The following ERO1B variants were observed in gnomAD, a reference collection of about 807,000 sequenced individuals.
The protein encoded by ERO1B is ERO1-like protein beta.
Under a neutral mutation model 75.3 loss-of-function variants are expected in ERO1B, and 49 were observed. That is an observed-to-expected ratio of 0.65 (90% CI 0.52 to 0.83). The LOEUF is 0.83. Among genes scored for constraint, ERO1B ranks in the 40% least tolerant of loss-of-function variants. The pLI is 0.00. For synonymous variants in ERO1B, 191 were observed against 192.9 expected, an observed-to-expected ratio of 0.99 and a Z score of 0.08; for missense variants, 512 against 560.1, an observed-to-expected ratio of 0.91 and a Z score of 0.87.
chr1:236,230,300 G>A, intron 9 of ERO1B, 50 bp from the exon 10 acceptor site: 1 of 1,451,244 alleles, frequency 6.9e-7, no homozygotes, highest in Middle Eastern at 1.8e-4. Flanking sequence ...CATTTATAAA[G>A]TAGAATAAAT....
chr1:236,243,247 C>T (rs1419141221), intron 6 of ERO1B, among the ~76,000 whole-genome samples, 175 bp downstream of exon 6: 2 of 152,114 alleles, frequency 1.3e-5, no homozygotes, highest in Non-Finnish European at 2.9e-5. Flanking sequence ...GTATTTAAGG[C>T]ACTTAACATA....
At chr1:236,256,868 G>A (rs1486419724) in intron 2 of ERO1B, among the ~76,000 whole-genome samples, 1 of 151,928 alleles carries the variant, frequency 6.6e-6, no homozygotes, top group East Asian at 1.9e-4. Flanking sequence ...GAACAAACAG[G>A]TGACTTTTAA....
intron 10 of ERO1B, among the ~76,000 whole-genome samples, chr1:236,228,255 T>C (rs543777096): frequency 1.3e-5 from 2 of 152,088 alleles, no homozygotes; most frequent in African/African-American, 2.4e-5. Context: ...TGCAATGAGG[T>C]AGGGGATAAG....
intron 6 of ERO1B, among the ~76,000 whole-genome samples, chr1:236,241,957 A>G (rs1664715677): frequency 6.6e-6 from 1 of 151,406 alleles, no homozygotes; most frequent in African/African-American, 2.4e-5. Context: ...AGTCCCAGCT[A>G]CTCGGGAGGC....
chr1:236,245,580 A>ATTT (rs71176472), intron 5 of ERO1B, among the ~76,000 whole-genome samples: 1 of 1,484 alleles, frequency 6.7e-4, no homozygotes, highest in African/African-American at 7.7e-4. Flanking sequence ...ATATATATAT[A>ATTT]TTTTTTTTTT....
intron 1 of ERO1B, 61 bp from the exon 2 acceptor site, chr1:236,270,055 A>T: frequency 8.7e-7 from 1 of 1,153,154 alleles, no homozygotes; most frequent in Non-Finnish European, 1.2e-6. Flanking sequence ...ACAAATCTAC[A>T]CTATTATATA....
At chr1:236,257,149 G>A (rs1665176957) in intron 2 of ERO1B, among the ~76,000 whole-genome samples, 1 of 152,164 alleles carries the variant, frequency 6.6e-6, no homozygotes, top group African/African-American at 2.4e-5. Flanking sequence ...TTTCTTGGAG[G>A]CCACTAAGAA....
At chr1:236,245,580 A>T (rs1282941723) in intron 5 of ERO1B, among the ~76,000 whole-genome samples, 651 of 1,488 alleles carry the variant, frequency 0.44, 146 homozygotes, top group African/African-American at 0.47. Context: ...ATATATATAT[A>T]TTTTTTTTTT....
At chr1:236,221,143 C>A (rs943476598) in intron 14 of ERO1B, among the ~76,000 whole-genome samples, 178 bp from the exon 15 acceptor site, 1 of 152,164 alleles carries the variant, frequency 6.6e-6, no homozygotes, top group Non-Finnish European at 1.5e-5. Flanking sequence ...ATAAACACAT[C>A]TGAGCAGTTA....
chr1:236,267,646 A>AT (rs910119940), intron 2 of ERO1B: 14 of 152,354 alleles, frequency 9.2e-5, no homozygotes, highest in African/African-American at 3.4e-4. Context: ...ATGTTCAACC[A>AT]TTTTTGAAAT....
intron 1 of ERO1B, among the ~76,000 whole-genome samples, chr1:236,270,274 C>T (rs1052301025): frequency 6.5e-4 from 99 of 152,272 alleles, no homozygotes; most frequent in Admixed American, 4.8e-3. Flanking sequence ...CAAGTGGCCA[C>T]TGGAATACCA....
At position 236,236,282 on chromosome 1, in the gene ERO1B, A is replaced by G. The variant is rs751876710; in HGVS notation, c.622T>C (p.Phe208Leu). The change falls in exon 7 of 16, where the codon TTC (phenylalanine) becomes CTC (leucine). Residue 208 changes from phenylalanine (F) to leucine (L), a missense_variant. Transcript: ENST00000354619. Reference sequence around the variant, plus strand: ...TCCCCCACCCCCTCCAGTTACTTGAAACAGTTCTCTTCATAGATGCTGTTC... The same window carrying G: ...TCCCCCACCCCCTCCAGTTACTTGAGACAGTTCTCTTCATAGATGCTGTTC... ...VWNSIYEENCFKPRSVYRPLN... is the reference protein window; with the variant it reads ...VWNSIYEENCLKPRSVYRPLN... 1.2e-6 allele frequency: 2 copies of G among 1,613,708 alleles called. No homozygotes were observed.
chr1:236,279,164 G>A (rs17566445), intron 1 of ERO1B, among the ~76,000 whole-genome samples: 15,069 of 152,198 alleles, frequency 0.099, 887 homozygotes, highest in Middle Eastern at 0.16. Flanking sequence ...GTCCCACTTC[G>A]GAGAGATTGT....
At chr1:236,223,526 A>G (rs1405904137) in intron 13 of ERO1B, among the ~76,000 whole-genome samples, 1 of 152,056 alleles carries the variant, frequency 6.6e-6, no homozygotes, top group Non-Finnish European at 1.5e-5. Flanking sequence ...GAACACAAAA[A>G]CTCCTGTGCT....
chr1:236,218,741 T>TAGA (rs1450422187), intron 15 of ERO1B, among the ~76,000 whole-genome samples, 165 bp from the exon 16 acceptor site: 1 of 152,188 alleles, frequency 6.6e-6, no homozygotes, highest in Non-Finnish European at 1.5e-5. Context: ...AAGACTGGTT[T>TAGA]AGAAGGGGCA....
At chr1:236,245,482 G>GTA (rs371757450) in intron 5 of ERO1B, among the ~76,000 whole-genome samples, 17 of 158 alleles carry the variant, frequency 0.11, 8 homozygotes, top group African/African-American at 0.11. Flanking sequence ...ATATATATAC[G>GTA]TATATATATA....
chr1:236,250,024 T>G (rs1664977894), intron 4 of ERO1B, 57 bp from the exon 5 acceptor site: 1 of 1,165,726 alleles, frequency 8.6e-7, no homozygotes, highest in South Asian at 1.5e-5. Context: ...TATTTCAGTT[T>G]CTATTGGCAG....
In ERO1B at chr1:236,216,664, AAC is replaced by A. The variant is rs1024217815; in HGVS notation, c.*1850_*1851del. The A allele has an allele frequency of 6.6e-6, 1 of 152,112 alleles. No individual in the cohort carries two copies. The highest frequency in any genetic ancestry group is 2.4e-5 in the African/African-American group (1 of 41,454). 9.4% of individuals were successfully genotyped at this position (152,112 alleles called of 1,614,324 possible). On this transcript the variant is annotated 3_prime_UTR_variant, in exon 16 of 16. Transcript: ENST00000354619. Reference sequence around the variant, plus strand: ...ACATGAGCGAGGATTTTCTCCAGTAAACAGTTTAAATAATAGCCTTTAACTGA... The same window carrying A: ...ACATGAGCGAGGATTTTCTCCAGTAAAGTTTAAATAATAGCCTTTAACTGA...
intron 1 of ERO1B, 83 bp downstream of exon 1, chr1:236,281,599 T>TGCCCGGCCCA: frequency 3.9e-6 from 4 of 1,032,188 alleles, no homozygotes; most frequent in Non-Finnish European, 5.1e-6. Context: ...TGCCCGGCCC[T>TGCCCGGCCCA]CCCCGCGTCA....
Sources: gnomAD v4.1 joint callset for allele counts (sites outside exome capture counted in the v4.1 genomes callset) on GRCh38, gnomAD v4.1.1 for gene constraint, MANE v1.5 for transcripts, NCBI Gene and HGNC (gene_info 2026-07-23, HGNC 2026-07-21) for gene names.